Variants in EPAS1 observed in about 807,000 individuals in gnomAD.
The protein encoded by EPAS1 is endothelial PAS domain-containing protein 1.
A neutral mutation model predicts 87.9 loss-of-function variants in EPAS1; 23 were observed. That is an observed-to-expected ratio of 0.26 (90% CI 0.19 to 0.37). The LOEUF (loss-of-function observed/expected upper bound fraction) is 0.37, where lower values mean the gene tolerates loss of function less well. EPAS1 is among the 10% of genes least tolerant of loss of function. The pLI is 1.00. For synonymous variants in EPAS1, 508 were observed against 444.3 expected (o/e 1.14, Z -1.80); for missense variants, 1,138 against 1,120.7 (o/e 1.02, Z -0.22).
chr2:46,378,900 C>T (rs1684819769), intron 11 of EPAS1, 133 bp downstream of exon 11: 1 of 826,458 alleles, frequency 1.2e-6, no homozygotes, highest in Non-Finnish European at 2.0e-6. Flanking sequence ...GCCCAGGTCC[C>T]CTAAAGAGGT....
chr2:46,372,838 T>C (rs1490633105), intron 7 of EPAS1, among the ~76,000 whole-genome samples: 5 of 152,254 alleles, frequency 3.3e-5, no homozygotes, highest in Admixed American at 2.6e-4. Context: ...TTAAGGACCA[T>C]CTAAATAAGT....
chr2:46,302,112 T>TC (rs1683012819), intron 1 of EPAS1, among the ~76,000 whole-genome samples: 1 of 125,218 alleles, frequency 8.0e-6, no homozygotes, highest in Non-Finnish European at 1.7e-5. Context: ...ATGTCCCTCT[T>TC]TCTCTCTGTG....
chr2:46,350,966 G>C (rs967420713), intron 2 of EPAS1, among the ~76,000 whole-genome samples: 1 of 152,218 alleles, frequency 6.6e-6, no homozygotes, highest in Non-Finnish European at 1.5e-5. Flanking sequence ...TTTAAGGCTT[G>C]ATATGACCTT....
intron 1 of EPAS1, among the ~76,000 whole-genome samples, chr2:46,311,282 G>C (rs1683207752): frequency 6.6e-6 from 1 of 152,036 alleles, no homozygotes. Context: ...TCAATGACTC[G>C]CTCCACAGTC....
chr2:46,363,123 G>A (rs1684435537), intron 6 of EPAS1, among the ~76,000 whole-genome samples: 3 of 152,158 alleles, frequency 2.0e-5, no homozygotes, highest in Non-Finnish European at 4.4e-5. Flanking sequence ...TTTGTATTCA[G>A]GTGAACATTC....
chr2:46,360,654 A>G lies in EPAS1; in HGVS notation c.471A>G (p.Lys157=). 1 of 1,614,030 alleles carries G rather than the reference A, an allele frequency of 6.2e-7. No individual in the cohort carries two copies. The highest frequency in any genetic ancestry group is 8.5e-7 in the Non-Finnish European group (1 of 1,180,016). ...CACATCCAGGCTCTGGTTTTGGGAA[A>G]AAAAGCAAAGACATGTCCACAGAGC... ...LSLKNGSGFG[K]KSKDMSTERD... Residue 157 remains lysine, a synonymous_variant, in exon 5 of 16, where the codon AAA becomes AAG. Transcript: ENST00000263734. The surrounding 1 kb of genome is among the most constrained non-coding windows in gnomAD (Gnocchi z 4.5).
At chr2:46,330,594 TGG>T (rs1683655316) in intron 1 of EPAS1, among the ~76,000 whole-genome samples, 1 of 152,236 alleles carries the variant, frequency 6.6e-6, no homozygotes. Context: ...TCAGTGCCCA[TGG>T]AGATAATCAC....
rs945417306 is a variant in EPAS1 at position 46,343,056 on chromosome 2, A to G, written c.27-3817A>G. Among the ~76,000 whole-genome samples the G allele has an allele frequency of 4.1e-5, 6 of 146,394 alleles. No homozygotes were observed. In the East Asian group the frequency reaches 9.6e-4, roughly 23 times the overall value. Reference sequence around the variant, plus strand: ...ACCTTTTTCTCCACCTGCGGCATAGATAGATACTGTGGCAGGGTTGGACCT... The same window carrying G: ...ACCTTTTTCTCCACCTGCGGCATAGGTAGATACTGTGGCAGGGTTGGACCT... On this transcript the variant is annotated intron_variant, in intron 1 of 15. Coordinates refer to ENST00000263734, the MANE Select transcript of EPAS1 (RefSeq NM_001430.5).
intron 1 of EPAS1, among the ~76,000 whole-genome samples, chr2:46,337,814 A>G (rs1022705562): frequency 3.9e-5 from 6 of 152,300 alleles, no homozygotes; most frequent in African/African-American, 1.2e-4. Flanking sequence ...AGAAGGAAAC[A>G]ACCTGTGGCA....
At chr2:46,373,490 C>T (rs563548482) in intron 7 of EPAS1, among the ~76,000 whole-genome samples, 2 of 152,328 alleles carry the variant, frequency 1.3e-5, no homozygotes, top group East Asian at 3.9e-4. Context: ...CATGATGAAT[C>T]TCAAAACATG....
chr2:46,366,124 C>T (rs1226348635), intron 6 of EPAS1, among the ~76,000 whole-genome samples: 3 of 152,224 alleles, frequency 2.0e-5, no homozygotes, highest in Non-Finnish European at 4.4e-5. Flanking sequence ...GGCACCGTGG[C>T]GCTGCACCGC....
chr2:46,301,587 A>G (rs1471233853), intron 1 of EPAS1, among the ~76,000 whole-genome samples: 1 of 151,964 alleles, frequency 6.6e-6, no homozygotes, highest in Non-Finnish European at 1.5e-5. Flanking sequence ...AGAAAAAAAA[A>G]AAAAAAAAAG....
At chr2:46,310,534 C>T (rs2104841499) in intron 1 of EPAS1, among the ~76,000 whole-genome samples, 1 of 152,356 alleles carries the variant, frequency 6.6e-6, no homozygotes, top group East Asian at 1.9e-4. Flanking sequence ...TCCCTAAAGC[C>T]CTAACTCAAG....
Position 46,297,822 on chromosome 2 carries a change from G to A in EPAS1, c.-90G>A, listed in dbSNP as rs1682914110. 2.6e-6 allele frequency: 4 copies of A among 1,544,276 alleles called. No homozygotes were observed. Among genetic ancestry groups the A allele is most frequent in the South Asian group, 2.4e-5 (2 of 85,048 alleles). On this transcript the variant is annotated 5_prime_UTR_variant, in exon 1 of 16. Coordinates refer to ENST00000263734, the MANE Select transcript of EPAS1 (RefSeq NM_001430.5). ...CCTCGGACCTTCACCACCCGCCCGG[G>A]CCGCGGGGAGCGGACGAGGGCCACA...
chr2:46,362,968 G>A (rs569115374), intron 6 of EPAS1, among the ~76,000 whole-genome samples: 166 of 115,584 alleles, frequency 1.4e-3, no homozygotes, highest in Non-Finnish European at 2.2e-3. Context: ...TGGTGGTGGT[G>A]GTGGTGGTAG....
intron 14 of EPAS1, 63 bp from the exon 15 acceptor site, chr2:46,382,361 GC>G (rs1233116035): frequency 5.0e-6 from 8 of 1,597,922 alleles, no homozygotes; most frequent in East Asian, 4.5e-5. Context: ...GGATGCTAGG[GC>G]TTCCTGGCCT....
At position 46,375,914 on chromosome 2, in the gene EPAS1, G is replaced by A. The variant is rs1036984728; in HGVS notation, c.1034+77G>A. 180 of 1,602,044 alleles carry A rather than the reference G, an allele frequency of 1.1e-4. No homozygotes were observed. The highest frequency in any genetic ancestry group is 3.9e-4 in the Middle Eastern group (2 of 5,164). Reference sequence around the variant, plus strand: ...AAGCTTCCCAGACTCAGGATGACAGGCCTAGGAGATGCCAGGCCTCTCAGC... The same window carrying A: ...AAGCTTCCCAGACTCAGGATGACAGACCTAGGAGATGCCAGGCCTCTCAGC... On this transcript the variant is annotated intron_variant, in intron 8 of 15. Transcript: ENST00000263734. This position sits in a 1 kb window ranked among gnomAD's most constrained non-coding sequence, Gnocchi z 4.1.
chr2:46,351,923 C>T (rs1224919270), intron 2 of EPAS1, among the ~76,000 whole-genome samples: 5 of 152,198 alleles, frequency 3.3e-5, no homozygotes, highest in East Asian at 1.9e-4. Flanking sequence ...CCCACATGGG[C>T]GGTGCTGCCT....
At chr2:46,345,310 A>G (rs34533650) in intron 1 of EPAS1, among the ~76,000 whole-genome samples, 35,370 of 152,136 alleles carry the variant, frequency 0.23, 4,535 homozygotes, top group South Asian at 0.33. Context: ...TTCTTCATTA[A>G]ATACGCAATA....
Sources: gnomAD v4.1 joint callset for allele counts (sites outside exome capture counted in the v4.1 genomes callset) on GRCh38, gnomAD v4.1.1 for gene constraint, Gnocchi (gnomAD v3.1) non-coding constraint, MANE v1.5 for transcripts, NCBI Gene and HGNC (gene_info 2026-07-23, HGNC 2026-07-21) for gene names.